The following SORL1 variants were observed in gnomAD, a reference collection of about 807,000 sequenced individuals.
SORL1 encodes sortilin-related receptor.
Under a neutral mutation model 273.7 loss-of-function variants are expected in SORL1, and 127 were observed. That is an observed-to-expected ratio of 0.46 (90% CI 0.40 to 0.54). The LOEUF is 0.54. SORL1 is among the 20% of genes least tolerant of loss of function. The pLI, the probability that SORL1 is intolerant of heterozygous loss-of-function variation, is 0.00. For missense variants in SORL1, 2,494 were observed against 2,846.1 expected (o/e 0.88, Z 2.81); for synonymous variants, 1,031 against 1,067.4 (o/e 0.97, Z 0.66).
At chr11:121,463,372 C>T (rs375736364) in intron 1 of SORL1, among the ~76,000 whole-genome samples, 3 of 152,008 alleles carry the variant, frequency 2.0e-5, no homozygotes, top group Non-Finnish European at 2.9e-5. Flanking sequence ...AAAGCATATT[C>T]GCTCATTGAC....
intron 2 of SORL1, among the ~76,000 whole-genome samples, chr11:121,474,573 C>T (rs1293989876): frequency 6.6e-6 from 1 of 152,146 alleles, no homozygotes; most frequent in Non-Finnish European, 1.5e-5. Context: ...AACCAGAAAC[C>T]GTGGGCAGTT....
At chr11:121,506,817 A>G (rs1861793698) in intron 6 of SORL1, among the ~76,000 whole-genome samples, 2 of 152,346 alleles carry the variant, frequency 1.3e-5, no homozygotes, top group South Asian at 4.1e-4. Context: ...AAGGTAGACT[A>G]CATATCTGCT....
chr11:121,505,208 C>A (rs1029511454), intron 6 of SORL1, among the ~76,000 whole-genome samples: 8 of 151,884 alleles, frequency 5.3e-5, no homozygotes, highest in African/African-American at 1.7e-4. Context: ...GTAATTTGTT[C>A]ATTTATTCTA....
At chr11:121,593,831 C>G (rs983685255) in intron 31 of SORL1, among the ~76,000 whole-genome samples, 3 of 152,168 alleles carry the variant, frequency 2.0e-5, no homozygotes, top group Non-Finnish European at 2.9e-5. Context: ...ACCTCCATCT[C>G]CTGTTGGAAC....
rs561123060 is a variant in SORL1 at position 121,502,718 on chromosome 11, C to T, written c.939+5669C>T. On this transcript the variant is annotated intron_variant, in intron 6 of 47. Coordinates refer to ENST00000260197, the MANE Select transcript of SORL1 (RefSeq NM_003105.6). ...TGGATGTCTATTCAAGTCCTTTGTC[C>T]GTTTTTAAATTGGGTTCTTTTTTAT... Among the ~76,000 whole-genome samples, 9 of 152,046 alleles carry T rather than the reference C, an allele frequency of 5.9e-5. No individual in the cohort carries two copies. In the East Asian group the frequency reaches 1.6e-3, roughly 26 times the overall value.
At chr11:121,578,013 G>A (rs1170867113) in intron 25 of SORL1, among the ~76,000 whole-genome samples, 1 of 152,174 alleles carries the variant, frequency 6.6e-6, no homozygotes, top group Non-Finnish European at 1.5e-5. Flanking sequence ...AGTGCAAGGA[G>A]TTGAGAAGCT....
chr11:121,608,455 A>G (rs1863512546), intron 38 of SORL1: 1 of 365,478 alleles, frequency 2.7e-6, no homozygotes, highest in Non-Finnish European at 4.9e-6. Context: ...CTTTGTGAGT[A>G]GTCAAAATAT....
intron 1 of SORL1, among the ~76,000 whole-genome samples, chr11:121,461,146 C>T (rs542072765): frequency 1.3e-5 from 2 of 150,522 alleles, no homozygotes; most frequent in East Asian, 2.0e-4. Flanking sequence ...CATCTGTGTA[C>T]ATTTAGTTCC....
intron 12 of SORL1, among the ~76,000 whole-genome samples, chr11:121,540,784 G>A (rs1862336884): frequency 1.3e-5 from 2 of 152,212 alleles, no homozygotes; most frequent in Non-Finnish European, 2.9e-5. Flanking sequence ...TATTGTCAGA[G>A]TCCTCTGGGA....
At chr11:121,575,122 T>A (rs1862908117) in intron 24 of SORL1, among the ~76,000 whole-genome samples, 4 of 152,196 alleles carry the variant, frequency 2.6e-5, no homozygotes. Context: ...TCCTTTTAAT[T>A]TCTACTTTCT....
intron 6 of SORL1, among the ~76,000 whole-genome samples, chr11:121,504,373 C>T (rs922215494): frequency 1.2e-4 from 19 of 152,102 alleles, no homozygotes; most frequent in Admixed American, 3.3e-4. Context: ...GATCGTGCCA[C>T]TGCACTCCAG....
At chr11:121,470,891 G>T (rs142982673) in intron 2 of SORL1, among the ~76,000 whole-genome samples, 1 of 152,006 alleles carries the variant, frequency 6.6e-6, no homozygotes, top group Admixed American at 6.6e-5. Flanking sequence ...GTTTTGCCAC[G>T]TTGCCTAGGC....
chr11:121,528,163 G>A (rs903136492), intron 11 of SORL1, among the ~76,000 whole-genome samples: 2 of 152,026 alleles, frequency 1.3e-5, no homozygotes, highest in Admixed American at 1.3e-4. Flanking sequence ...TATATTTAAT[G>A]TCCCCCTTTA....
intron 45 of SORL1, among the ~76,000 whole-genome samples, chr11:121,622,709 G>C (rs1362966443): frequency 6.6e-6 from 1 of 152,224 alleles, no homozygotes; most frequent in Non-Finnish European, 1.5e-5. Context: ...AAATTACAGG[G>C]AGCAGGAGGC....
chr11:121,467,565 T>C (rs1474003516), intron 1 of SORL1, among the ~76,000 whole-genome samples: 1 of 152,084 alleles, frequency 6.6e-6, no homozygotes, highest in African/African-American at 2.4e-5. Context: ...TTCCTAGTCC[T>C]TTATTGTATT....
Position 121,486,111 on chromosome 11 carries a change from A to G in SORL1, c.529-1921A>G, listed in dbSNP as rs1370335441. 2.6e-5 allele frequency among the ~76,000 whole-genome samples: 4 copies of G among 152,228 alleles called. No individual in the cohort carries two copies. The East Asian group carries it at 7.7e-4, about 29-fold the overall frequency. On this transcript the variant is annotated intron_variant, in intron 3 of 47. Coordinates refer to ENST00000260197, the MANE Select transcript of SORL1 (RefSeq NM_003105.6). ...GATTGATCTGGGTCAGGTGGAGTCC[A>G]TTCGAGAAAGTGTCCTTGGGCTTAT...
At chr11:121,486,480 C>CTTT (rs551145449) in intron 3 of SORL1, among the ~76,000 whole-genome samples, 1 of 138,938 alleles carries the variant, frequency 7.2e-6, no homozygotes, top group African/African-American at 2.6e-5. Flanking sequence ...TTCTTTCTTT[C>CTTT]TTTTTTTTTT....
intron 21 of SORL1, among the ~76,000 whole-genome samples, chr11:121,566,150 G>A (rs1275131986): frequency 6.6e-6 from 1 of 152,136 alleles, no homozygotes; most frequent in African/African-American, 2.4e-5. Flanking sequence ...ATGGTTTTAT[G>A]GAATGAATAA....
At chr11:121,609,489 C>T (rs991047261) in intron 38 of SORL1, 10 of 152,140 alleles carry the variant, frequency 6.6e-5, no homozygotes, top group Non-Finnish European at 1.2e-4. Flanking sequence ...CCTTGAATTC[C>T]GAAGGCACAA....
Sources: allele counts gnomAD v4.1 joint callset (sites outside exome capture counted in the v4.1 genomes callset), GRCh38; gene constraint gnomAD v4.1.1; transcripts MANE v1.5; gene names NCBI Gene and HGNC (gene_info 2026-07-23, HGNC 2026-07-21).